BCL7A: variants seen among roughly 807,000 people sequenced by gnomAD.
The protein encoded by BCL7A is B-cell CLL/lymphoma 7 protein family member A.
In BCL7A, 11 loss-of-function variants were observed where a neutral mutation model predicts 28.4. The observed-to-expected ratio is 0.39, with a 90% CI of 0.24 to 0.64. BCL7A has a LOEUF of 0.64. Ranked by LOEUF, BCL7A falls within the 30% of genes least tolerant of loss-of-function variation. The probability of loss-of-function intolerance (pLI) is 0.50; values close to 1 mark genes in which losing one functional copy is unlikely to be tolerated. For synonymous variants in BCL7A, 123 were observed against 103.3 expected (o/e 1.19, Z -1.15); for missense variants, 222 against 274.8 (o/e 0.81, Z 1.36).
At chr12:122,022,558 GGCTTCCCGCGCGCCGGGGCC>G in intron 1 of BCL7A, among the ~76,000 whole-genome samples, 1 of 144,348 alleles carries the variant, frequency 6.9e-6, no homozygotes, top group South Asian at 2.2e-4. Flanking sequence ...ACATGAAAGC[GGCTTCCCGCGCGCCGGGGCC>G]GCGATGCCGG....
At chr12:122,036,770 C>T (rs1016194002) in intron 3 of BCL7A, among the ~76,000 whole-genome samples, 17 of 151,520 alleles carry the variant, frequency 1.1e-4, no homozygotes, top group African/African-American at 2.2e-4. Flanking sequence ...TGCAGTGGTG[C>T]GATCTCAGCT....
intron 5 of BCL7A, among the ~76,000 whole-genome samples, chr12:122,055,781 G>C (rs928785262): frequency 2.0e-5 from 3 of 152,120 alleles, no homozygotes; most frequent in African/African-American, 7.2e-5. Context: ...ACTCTGCCTG[G>C]CTGATTTTTG....
At chr12:122,025,081 G>C (rs1883586801) in intron 1 of BCL7A, among the ~76,000 whole-genome samples, 1 of 152,134 alleles carries the variant, frequency 6.6e-6, no homozygotes, top group Admixed American at 6.5e-5. Flanking sequence ...CCAGAAGATG[G>C]CTAAAGGGAA....
chr12:122,054,749 C>T (rs1884273418), intron 4 of BCL7A, 56 bp from the exon 5 acceptor site: 13 of 1,560,042 alleles, frequency 8.3e-6, no homozygotes, highest in Middle Eastern at 1.7e-4. Flanking sequence ...TTGGCCCCAC[C>T]GGCCCCGCCT....
intron 1 of BCL7A, among the ~76,000 whole-genome samples, chr12:122,028,064 A>C (rs1184196597): frequency 6.6e-6 from 1 of 152,052 alleles, no homozygotes. Flanking sequence ...TGGTGCCTTA[A>C]ACTTGAGCTC....
intron 4 of BCL7A, among the ~76,000 whole-genome samples, chr12:122,050,758 T>C (rs914627559): frequency 6.6e-6 from 1 of 152,230 alleles, no homozygotes; most frequent in Non-Finnish European, 1.5e-5. Context: ...ATCGTGCCAC[T>C]GCACTCCAGC....
chr12:122,024,020 G>C (rs1455742836), intron 1 of BCL7A, among the ~76,000 whole-genome samples: 1 of 152,098 alleles, frequency 6.6e-6, no homozygotes, highest in Non-Finnish European at 1.5e-5. Context: ...CTCCCGCAGA[G>C]CGGCCAGCTG....
intron 1 of BCL7A, among the ~76,000 whole-genome samples, chr12:122,023,299 G>C (rs569399958): frequency 6.6e-6 from 1 of 152,192 alleles, no homozygotes; most frequent in Non-Finnish European, 1.5e-5. Context: ...CCGCCGCAAC[G>C]CTGGCTCTGA....
intron 4 of BCL7A, among the ~76,000 whole-genome samples, chr12:122,047,899 C>CTTTTTTT (rs776109345): frequency 2.0e-5 from 2 of 101,002 alleles, no homozygotes; most frequent in Non-Finnish European, 3.9e-5. Flanking sequence ...CTGGAGAAGG[C>CTTTTTTT]TTTTTTTTTT....
Position 122,021,928 on chromosome 12 carries a change from G to GTA in BCL7A, c.-162_-161dup, listed in dbSNP as rs542528031. The GTA allele has an allele frequency of 8.2e-6, 3 of 365,202 alleles. No homozygotes were observed. Among genetic ancestry groups the GTA allele is most frequent in the Non-Finnish European group, 1.4e-5 (3 of 206,914 alleles). The allele number at this position is 365,202 out of a possible 1,614,324, so 22.6% of individuals were successfully genotyped here. ...GCGGCCCCGGGCTTTGTGTGTGTGT[G>GTA]TATGTGTGTGTGTGTGTGTGTGTGT... On this transcript the variant is annotated 5_prime_UTR_variant, in exon 1 of 6. The change creates a new upstream start codon in the 5' untranslated region. Coordinates refer to ENST00000261822, the MANE Select transcript of BCL7A (RefSeq NM_001024808.3).
In BCL7A at chr12:122,035,389, C is replaced by T. The variant is rs1401976382; in HGVS notation, c.233C>T (p.Pro78Leu). 3.1e-6 allele frequency: 5 copies of T among 1,614,144 alleles called. No homozygotes were observed. The highest frequency in any genetic ancestry group is 2.2e-5 in the East Asian group (1 of 44,884). ...AAGTGTGGCTCAGAGGTGACCACTC[C>T]GGAGAACAGTTCCTCCCCAGGGATG... Reference protein sequence around the residue: ...DEKCGSEVTTPENSSSPGMMD... With the variant: ...DEKCGSEVTTLENSSSPGMMD... The change falls in exon 3 of 6, where the codon CCG becomes CTG. Residue 78 changes from proline (P) to leucine (L), a missense_variant. By Grantham distance (98) the Pro-to-Leu change is moderately conservative (BLOSUM62 -3). This residue lies in a region of BCL7A where 67 missense variants were observed against 129.1 expected (regional missense o/e 0.52). Coordinates refer to ENST00000261822, the MANE Select transcript of BCL7A (RefSeq NM_001024808.3).
At chr12:122,031,056 T>G (rs970300875) in intron 2 of BCL7A, among the ~76,000 whole-genome samples, 1 of 152,070 alleles carries the variant, frequency 6.6e-6, no homozygotes, top group Non-Finnish European at 1.5e-5. Context: ...ATACAGAGTC[T>G]CACTCTGCCG....
intron 3 of BCL7A, among the ~76,000 whole-genome samples, chr12:122,039,789 T>C (rs1277772264): frequency 2.6e-5 from 4 of 150,964 alleles, no homozygotes; most frequent in Non-Finnish European, 5.9e-5. Context: ...GAGGCAAAGG[T>C]TGCAGTGAGC....
intron 1 of BCL7A, among the ~76,000 whole-genome samples, chr12:122,024,029 T>C (rs1883549017): frequency 1.3e-5 from 2 of 152,066 alleles, no homozygotes; most frequent in Admixed American, 6.5e-5. Context: ...AGCGGCCAGC[T>C]GCTCTGCAGG....
At chr12:122,058,027 A>C (rs1951890023) in intron 5 of BCL7A, among the ~76,000 whole-genome samples, 1 of 151,566 alleles carries the variant, frequency 6.6e-6, no homozygotes, top group African/African-American at 2.4e-5. Context: ...CCATCTCTAC[A>C]AAAAACTTAA....
At position 122,035,315 on chromosome 12, in the gene BCL7A, C is replaced by T. The variant is rs765583062; in HGVS notation, c.175-16C>T. 1 of 1,610,868 alleles carries T rather than the reference C, an allele frequency of 6.2e-7. No homozygotes were observed. Among genetic ancestry groups the T allele is most frequent in the Non-Finnish European group, 8.5e-7 (1 of 1,177,134 alleles). ...ATGATCTGGTGACTTGGTTTCTGCTCCATTTTCCCCTGCAGAAAAACAAGA... is the reference window on the plus strand; with the variant it reads ...ATGATCTGGTGACTTGGTTTCTGCTTCATTTTCCCCTGCAGAAAAACAAGA... On this transcript the variant is annotated splice_polypyrimidine_tract_variant and intron_variant, in intron 2 of 5. Transcript: ENST00000261822.
chr12:122,021,908 C>T lies in BCL7A; in HGVS notation c.-184C>T, dbSNP rs1204526310. 1 of 426,272 alleles carries T rather than the reference C, an allele frequency of 2.3e-6. No individual in the cohort carries two copies. The highest frequency in any genetic ancestry group is 4.2e-6 in the Non-Finnish European group (1 of 238,550). The allele number at this position is 426,272 out of a possible 1,614,324, so 26.4% of individuals were successfully genotyped here. ...CGCACTGGGCCAGGCGCGCGGCGGC[C>T]CCGGGCTTTGTGTGTGTGTGTATGT... On this transcript the variant is annotated 5_prime_UTR_variant, in exon 1 of 6. Coordinates refer to ENST00000261822, the MANE Select transcript of BCL7A (RefSeq NM_001024808.3).
At chr12:122,045,730 G>A (rs1380262687) in intron 4 of BCL7A, among the ~76,000 whole-genome samples, 1 of 152,036 alleles carries the variant, frequency 6.6e-6, no homozygotes, top group African/African-American at 2.4e-5. Flanking sequence ...GGGACCATTT[G>A]AAAGTAAGTT....
intron 3 of BCL7A, among the ~76,000 whole-genome samples, chr12:122,038,499 G>GC (rs1038851010): frequency 4.1e-4 from 52 of 126,936 alleles, no homozygotes; most frequent in African/African-American, 1.3e-3. Context: ...TGTCAAGAAA[G>GC]CCCCCCCAAC....
Sources: allele counts gnomAD v4.1 joint callset (sites outside exome capture counted in the v4.1 genomes callset), GRCh38; gene constraint gnomAD v4.1.1; regional missense constraint gnomAD v4.1.1; transcripts MANE v1.5; gene names NCBI Gene and HGNC (gene_info 2026-07-23, HGNC 2026-07-21).